The following KMO variants were observed in gnomAD, a reference collection of about 807,000 sequenced individuals.
KMO encodes the protein kynurenine 3-monooxygenase.
A neutral mutation model predicts 57.8 loss-of-function variants in KMO; 24 were observed. That is an observed-to-expected ratio of 0.42 (90% CI 0.30 to 0.58). The LOEUF is 0.58. Ranked by LOEUF, KMO falls within the 20% of genes least tolerant of loss-of-function variation. KMO has a pLI of 0.22. For synonymous variants in KMO, 210 were observed against 193.6 expected (o/e 1.08, Z -0.70); for missense variants, 483 against 588.2 (o/e 0.82, Z 1.85).
At position 241,555,600 on chromosome 1, in the gene KMO, C is replaced by T; in HGVS notation, c.313-12C>T. On this transcript the variant is annotated splice_polypyrimidine_tract_variant and intron_variant, in intron 4 of 14. Coordinates refer to ENST00000366559, the MANE Select transcript of KMO (RefSeq NM_003679.5). ...CCAGAAACAAACAGTATCTACTCTA[C>T]TTTTCTTGCAGTATATTCTTTCTGT... The T allele has an allele frequency of 1.4e-6, 2 of 1,480,944 alleles. No individual in the cohort carries two copies. Among genetic ancestry groups the T allele is most frequent in the Non-Finnish European group, 1.9e-6 (2 of 1,061,612 alleles). The allele number at this position is 1,480,944 out of a possible 1,614,324, so 91.7% of individuals were successfully genotyped here.
Position 241,581,703 on chromosome 1 carries a change from G to T in KMO, c.958-4976G>T, listed in dbSNP as rs145491631. Among the ~76,000 whole-genome samples the T allele has an allele frequency of 6.5e-3, 992 of 152,096 alleles. 11 individuals carry two copies. Among genetic ancestry groups the T allele is most frequent in the African/African-American group, 0.023 (939 of 41,524 alleles). On this transcript the variant is annotated intron_variant, in intron 10 of 14. Coordinates refer to ENST00000366559, the MANE Select transcript of KMO (RefSeq NM_003679.5). ...CCCCCTGGCATTTTGACATTTTGTT[G>T]TCTCTATATATATCTTTTTATACTG...
At position 241,592,010 on chromosome 1, in the gene KMO, C is replaced by G; in HGVS notation, c.1318C>G (p.Leu440Val). Residue 440 changes from leucine (L) to valine (V), a missense_variant, in exon 15 of 15, where the codon CTA becomes GTA. Physicochemically the swap from Leu to Val is conservative, Grantham distance 32 (BLOSUM62 1). This residue lies in a region of KMO where 410 missense variants were observed against 492.3 expected (regional missense o/e 0.83). Coordinates refer to ENST00000366559, the MANE Select transcript of KMO (RefSeq NM_003679.5). ...GSLIAISSTY[L>V]LIHYMSPRSF... is the part of the protein sequence containing the mutation. ...ACTGATAGCCATCAGCAGTACCTACCTACTTATACACTACATGTCACCACG... is the reference window on the plus strand; with the variant it reads ...ACTGATAGCCATCAGCAGTACCTACGTACTTATACACTACATGTCACCACG... 1 of 1,613,994 alleles carries G rather than the reference C, an allele frequency of 6.2e-7. No individual in the cohort carries two copies. Among genetic ancestry groups the G allele is most frequent in the Non-Finnish European group, 8.5e-7 (1 of 1,179,912 alleles).
intron 4 of KMO, 50 bp from the exon 5 acceptor site, chr1:241,555,562 A>G (rs1202152188): frequency 3.1e-6 from 3 of 974,134 alleles, no homozygotes; most frequent in African/African-American, 1.6e-5. Context: ...TTAGAATTAT[A>G]TTTGTCCATT....
At chr1:241,565,152 A>G in intron 8 of KMO, 94 bp downstream of exon 8, 4 of 755,746 alleles carry the variant, frequency 5.3e-6, no homozygotes, top group South Asian at 3.2e-5. Context: ...TACCTAATTG[A>G]TCTCTTCATT....
intron 1 of KMO, among the ~76,000 whole-genome samples, chr1:241,543,726 C>T (rs963185689): frequency 6.6e-6 from 1 of 152,156 alleles, no homozygotes; most frequent in African/African-American, 2.4e-5. Flanking sequence ...CATTAGGCCT[C>T]ATCTTCTCTA....
chr1:241,588,785 AGAT>A lies in KMO; in HGVS notation c.1057_1059del (p.Asp353del). ...CTGTGTTCTCAAGATTGAGAATCCCAGATGATCACGCGATTTCAGACCTATCCA... is the reference window on the plus strand; with the variant it reads ...CTGTGTTCTCAAGATTGAGAATCCCAGATCACGCGATTTCAGACCTATCCA... On this transcript the variant is annotated inframe_deletion, in exon 12 of 15. Transcript: ENST00000366559. 6.2e-7 allele frequency: 1 copy of A among 1,613,624 alleles called. No individual in the cohort carries two copies. Among genetic ancestry groups the A allele is most frequent in the Non-Finnish European group, 8.5e-7 (1 of 1,179,704 alleles).
intron 3 of KMO, chr1:241,550,102 C>T (rs61825638): frequency 0.21 from 41,340 of 200,976 alleles, 4,986 homozygotes; most frequent in South Asian, 0.33. Context: ...ATTGCACAGG[C>T]CCGTAATATC....
intron 2 of KMO, among the ~76,000 whole-genome samples, chr1:241,549,197 AAAAGGAAG>A (rs1300089339): frequency 2.1e-4 from 15 of 72,138 alleles, no homozygotes; most frequent in African/African-American, 7.2e-4. Context: ...AGAGAGAAAG[AAAAGGAAG>A]AAAGAAAGAA....
chr1:241,594,523 T>C lies in KMO; in HGVS notation c.*2370T>C. On this transcript the variant is annotated 3_prime_UTR_variant, in exon 15 of 15. Transcript: ENST00000366559. ...GATTCATCACTGGTGATGATAAAAATGATGGAAGAAGAGTTGAAAGTCACT... is the reference window on the plus strand; with the variant it reads ...GATTCATCACTGGTGATGATAAAAACGATGGAAGAAGAGTTGAAAGTCACT... The C allele has an allele frequency of 1.2e-6, 2 of 1,614,102 alleles. No homozygotes were observed. Among genetic ancestry groups the C allele is most frequent in the Non-Finnish European group, 1.7e-6 (2 of 1,179,982 alleles).
At position 241,594,807 on chromosome 1, in the gene KMO, G is replaced by A. The variant is rs1334599905; in HGVS notation, c.*2654G>A. On this transcript the variant is annotated 3_prime_UTR_variant, in exon 15 of 15. Coordinates refer to ENST00000366559, the MANE Select transcript of KMO (RefSeq NM_003679.5). Reference sequence around the variant, plus strand: ...AGTTGTTTTTTGTTTGTTAGCAGGTGTGGATGTGGGGTTATGTGGTCATGC... The same window carrying A: ...AGTTGTTTTTTGTTTGTTAGCAGGTATGGATGTGGGGTTATGTGGTCATGC... 19 of 1,170,324 alleles carry A rather than the reference G, an allele frequency of 1.6e-5. No individual in the cohort carries two copies. The highest frequency in any genetic ancestry group is 1.9e-5 in the Non-Finnish European group (16 of 828,506). 72.5% of individuals were successfully genotyped at this position (1,170,324 alleles called of 1,614,324 possible).
At chr1:241,536,462 G>A (rs1047144455) in intron 1 of KMO, 1 of 974,360 alleles carries the variant, frequency 1.0e-6, no homozygotes, top group Non-Finnish European at 1.2e-6. Flanking sequence ...ACTGTTTTCA[G>A]TGTTTACAGG....
At chr1:241,585,178 G>A (rs534352197) in intron 10 of KMO, among the ~76,000 whole-genome samples, 156 of 152,148 alleles carry the variant, frequency 1.0e-3, no homozygotes, top group African/African-American at 3.6e-3. Flanking sequence ...GCAGTGAGCC[G>A]AGATTGTGCC....
intron 7 of KMO, among the ~76,000 whole-genome samples, chr1:241,564,731 A>G (rs905804293): frequency 6.6e-6 from 1 of 151,840 alleles, no homozygotes; most frequent in Non-Finnish European, 1.5e-5. Flanking sequence ...CTTTTTCCTT[A>G]CATATACACA....
chr1:241,541,587 T>C (rs1660960697), intron 1 of KMO, among the ~76,000 whole-genome samples: 1 of 152,164 alleles, frequency 6.6e-6, no homozygotes, highest in African/African-American at 2.4e-5. Context: ...CACCTTCTCA[T>C]AAGAGGGAAA....
chr1:241,551,186 T>G lies in KMO; in HGVS notation c.312+142T>G, dbSNP rs949940298. The G allele has an allele frequency of 8.7e-6, 5 of 574,452 alleles. No homozygotes were observed. In the African/African-American group the frequency reaches 9.9e-5, roughly 11 times the overall value. 35.6% of individuals were successfully genotyped at this position (574,452 alleles called of 1,614,324 possible). A position where few individuals can be genotyped will look rare whatever the true frequency, so the allele number is the denominator to read the frequency against. On this transcript the variant is annotated intron_variant, in intron 4 of 14. Coordinates refer to ENST00000366559, the MANE Select transcript of KMO (RefSeq NM_003679.5). ...GTCTAGACCCCAGGAATACAGATACTAGTTGGCAAGTTTATTCAGAGGAGA... is the reference window on the plus strand; with the variant it reads ...GTCTAGACCCCAGGAATACAGATACGAGTTGGCAAGTTTATTCAGAGGAGA...
chr1:241,583,735 T>TA (rs1351985357), intron 10 of KMO, among the ~76,000 whole-genome samples: 1 of 152,184 alleles, frequency 6.6e-6, no homozygotes, highest in Non-Finnish European at 1.5e-5. Flanking sequence ...TATTGTTTTT[T>TA]AAAAAATACT....
chr1:241,552,491 C>T (rs1661444355), intron 4 of KMO, among the ~76,000 whole-genome samples: 1 of 152,176 alleles, frequency 6.6e-6, no homozygotes, highest in Non-Finnish European at 1.5e-5. Flanking sequence ...AAGCCATTCC[C>T]ATGACTCCGG....
intron 4 of KMO, among the ~76,000 whole-genome samples, chr1:241,554,686 A>G (rs986888128): frequency 6.7e-6 from 1 of 148,618 alleles, no homozygotes; most frequent in Non-Finnish European, 1.5e-5. Flanking sequence ...GGAGGAAAAA[A>G]GTGGCCGGGC....
chr1:241,548,830 T>G lies in KMO; in HGVS notation c.56T>G (p.Val19Gly). Residue 19 changes from valine (V) to glycine (G), a missense_variant and splice_region_variant, in exon 2 of 15, where the codon GTT becomes GGT. Physicochemically the swap from Val to Gly is moderately radical, Grantham distance 109 (BLOSUM62 -3). Around this residue, in one of 3 missense-constraint regions of KMO, gnomAD observed 70 missense variants for 78.4 expected, o/e 0.89. Coordinates refer to ENST00000366559, the MANE Select transcript of KMO (RefSeq NM_003679.5). ...KKVAVIGGGL[V>G]GSLQACFLAK... The stretch of plus-strand genomic sequence containing the variant: ...ATTTAATTTTTTTTTAATTTCTAGG[T>G]TGGCTCATTACAAGCATGCTTTCTT... 1 of 1,570,220 alleles carries G rather than the reference T, an allele frequency of 6.4e-7. No homozygotes were observed. The highest frequency in any genetic ancestry group is 8.8e-7 in the Non-Finnish European group (1 of 1,141,558).
Sources: allele counts gnomAD v4.1 joint callset (sites outside exome capture counted in the v4.1 genomes callset), GRCh38; gene constraint gnomAD v4.1.1; regional missense constraint gnomAD v4.1.1; transcripts MANE v1.5; gene names NCBI Gene and HGNC (gene_info 2026-07-23, HGNC 2026-07-21).